The following ZNF600 variants were observed in gnomAD, a reference collection of about 807,000 sequenced individuals.
The protein encoded by ZNF600 is zinc finger protein 600.
A neutral mutation model predicts 7.3 loss-of-function variants in ZNF600; 4 were observed. That is an observed-to-expected ratio of 0.55 (90% confidence interval 0.27 to 1.25). The LOEUF is 1.25. ZNF600 is among the 50% of genes most tolerant of loss of function. The pLI is 0.12. For synonymous variants in ZNF600, 290 were observed against 308.9 expected (o/e 0.94, Z 0.64); for missense variants, 911 against 922.1 (o/e 0.99, Z 0.16).
At chr19:52,806,242 G>T in the ZNF600 span, among the ~76,000 whole-genome samples, 1 of 152,022 alleles carries the variant, frequency 6.6e-6, no homozygotes, top group Non-Finnish European at 1.5e-5. Flanking sequence ...CTCCCATGCT[G>T]GAGTGCAACG....
upstream of ZNF600, among the ~76,000 whole-genome samples, chr19:52,791,496 C>A (rs958033871): frequency 1.3e-5 from 2 of 152,212 alleles, no homozygotes; most frequent in Non-Finnish European, 1.5e-5. Flanking sequence ...TATCACTTCA[C>A]CTGAGGAAGA....
At chr19:52,829,009 T>C in the ZNF600 span, among the ~76,000 whole-genome samples, 2 of 152,068 alleles carry the variant, frequency 1.3e-5, no homozygotes, top group African/African-American at 2.4e-5. Flanking sequence ...CACAGGCGCC[T>C]GCCACCACGC....
the ZNF600 span, among the ~76,000 whole-genome samples, chr19:52,829,696 G>C: frequency 6.6e-6 from 1 of 152,026 alleles, no homozygotes; most frequent in Admixed American, 6.6e-5. Flanking sequence ...GTGTTCAGTA[G>C]ATTCGAGGAT....
chr19:52,806,365 TG>T, the ZNF600 span, among the ~76,000 whole-genome samples: 15 of 152,070 alleles, frequency 9.9e-5, no homozygotes, highest in African/African-American at 3.6e-4. Context: ...GGCTAATTTT[TG>T]TAACTTTAGT....
At chr19:52,812,591 A>G in the ZNF600 span, among the ~76,000 whole-genome samples, 14 of 127,148 alleles carry the variant, frequency 1.1e-4, no homozygotes, top group African/African-American at 4.2e-4. Context: ...AGTCATCACC[A>G]CTCCCTAATC....
chr19:52,803,791 T>C, the ZNF600 span, among the ~76,000 whole-genome samples: 1 of 151,826 alleles, frequency 6.6e-6, no homozygotes, highest in Non-Finnish European at 1.5e-5. Flanking sequence ...ACCCCATCTC[T>C]ACTAAAAATA....
At chr19:52,793,244 G>A in the ZNF600 span, among the ~76,000 whole-genome samples, 10 of 152,164 alleles carry the variant, frequency 6.6e-5, no homozygotes, top group African/African-American at 2.4e-4. Context: ...AAATTAAGCT[G>A]TGCCCCGTCC....
the ZNF600 span, among the ~76,000 whole-genome samples, chr19:52,822,292 G>A: frequency 6.6e-6 from 1 of 151,782 alleles, no homozygotes; most frequent in Non-Finnish European, 1.5e-5. Context: ...GGCTGGTCTC[G>A]AACTCCTGAC....
the ZNF600 span, among the ~76,000 whole-genome samples, chr19:52,816,479 A>G: frequency 6.9e-6 from 1 of 145,350 alleles, no homozygotes; most frequent in Non-Finnish European, 1.5e-5. Flanking sequence ...CCTGGCTAAC[A>G]CGGTGAAACC....
the ZNF600 span, among the ~76,000 whole-genome samples, chr19:52,802,288 T>C: frequency 1.3e-5 from 2 of 152,128 alleles, no homozygotes; most frequent in Non-Finnish European, 2.9e-5. Context: ...AGAATTGCGT[T>C]AAGCCAAAGG....
chr19:52,803,766 G>C, the ZNF600 span, among the ~76,000 whole-genome samples: 3 of 152,052 alleles, frequency 2.0e-5, no homozygotes, highest in Non-Finnish European at 4.4e-5. Context: ...AGACCAGCCT[G>C]GGCAACATGG....
downstream of ZNF600, chr19:52,764,364 C>A (rs2062552057): frequency 6.6e-6 from 1 of 151,900 alleles, no homozygotes; most frequent in African/African-American, 2.4e-5. Flanking sequence ...GTGCACACCA[C>A]CACCCCCCGG....
upstream of ZNF600, among the ~76,000 whole-genome samples, chr19:52,787,865 A>G (rs1252527200): frequency 1.0e-5 from 1 of 98,534 alleles, no homozygotes. Context: ...GTCTCAAAAA[A>G]AAAAAAGAAA....
intron 3 of ZNF600, 36 bp downstream of exon 5, chr19:52,774,539 A>G: frequency 2.0e-6 from 2 of 984,438 alleles, no homozygotes; most frequent in Middle Eastern, 5.3e-4. Context: ...AGACAAGAGC[A>G]GACTCCTCAT....
chr19:52,772,927 T>C (rs1047887030), intron 3 of ZNF600, among the ~76,000 whole-genome samples: 8 of 152,234 alleles, frequency 5.3e-5, no homozygotes, highest in African/African-American at 9.6e-5. Context: ...CCATCCCTCA[T>C]GGATCATGTG....
rs377398149 is a variant in ZNF600 at position 52,778,993 on chromosome 19, C to T, written c.-19-86G>A. On this transcript the variant is annotated intron_variant, in intron 1 of 3. Coordinates refer to ENST00000648973, the Ensembl canonical transcript of ZNF600. The stretch of plus-strand genomic sequence containing the variant: ...AACCACATGAACAGGGGAGACCTCA[C>T]CCAGCAGAAAGAAGTCCCCCACCGC... 2.3e-6 allele frequency: 3 copies of T among 1,295,848 alleles called. No homozygotes were observed. The South Asian group carries it at 4.9e-5, about 21-fold the overall frequency. The allele number at this position is 1,295,848 out of a possible 1,614,324, so 80.3% of individuals were successfully genotyped here.
chr19:52,807,842 C>A, the ZNF600 span: 12 of 1,168,264 alleles, frequency 1.0e-5, no homozygotes, highest in East Asian at 4.9e-5. Context: ...AATGCAGAAC[C>A]TCTAAACAAA....
the ZNF600 span, chr19:52,797,828 G>T: frequency 6.6e-6 from 1 of 151,904 alleles, no homozygotes; most frequent in Non-Finnish European, 1.5e-5. Context: ...TTTTGTTAAA[G>T]AAACAAAAAA....
the ZNF600 span, among the ~76,000 whole-genome samples, chr19:52,803,744 A>G: frequency 6.6e-6 from 1 of 151,928 alleles, no homozygotes; most frequent in Non-Finnish European, 1.5e-5. Flanking sequence ...AGGCAGGTAA[A>G]TCAGGAGTTC....
Sources: allele counts gnomAD v4.1 joint callset (sites outside exome capture counted in the v4.1 genomes callset), GRCh38; gene constraint gnomAD v4.1.1; transcripts MANE v1.5; gene names NCBI Gene and HGNC (gene_info 2026-07-23, HGNC 2026-07-21).